SLIT3: variants seen among roughly 807,000 people sequenced by gnomAD.
SLIT3 encodes the protein slit homolog 3 protein.
Under a neutral mutation model 184.0 loss-of-function variants are expected in SLIT3, and 68 were observed. That is an observed-to-expected ratio of 0.37 (90% CI 0.30 to 0.45). SLIT3 has a LOEUF of 0.45. Among genes scored for constraint, SLIT3 ranks in the 20% least tolerant of loss-of-function variants. SLIT3 has a pLI of 1.00. For synonymous variants in SLIT3, 831 were observed against 828.6 expected (o/e 1.00, Z -0.05); for missense variants, 1,707 against 2,026.0 (o/e 0.84, Z 3.02).
Position 168,774,396 on chromosome 5 carries a change from C to A in SLIT3, c.1152-18G>T, listed in dbSNP as rs767945892. On this transcript the variant is annotated intron_variant, in intron 12 of 35. Coordinates refer to ENST00000519560, the MANE Select transcript of SLIT3 (RefSeq NM_003062.4). ...TGAGGAGGCTGCAAACAGAAGAGAGCCTGGTTGATTCACTAATCCTGGTAA... is the reference window on the plus strand; with the variant it reads ...TGAGGAGGCTGCAAACAGAAGAGAGACTGGTTGATTCACTAATCCTGGTAA... 1.9e-6 allele frequency: 3 copies of A among 1,600,322 alleles called. No homozygotes were observed. The highest frequency in any genetic ancestry group is 3.4e-5 in the Admixed American group (2 of 57,986).
intron 5 of SLIT3, among the ~76,000 whole-genome samples, chr5:168,861,036 G>A (rs1474821482): frequency 6.6e-6 from 1 of 152,038 alleles, no homozygotes; most frequent in Non-Finnish European, 1.5e-5. Context: ...ACAGACCAAG[G>A]GAACCCAGGG....
At chr5:168,978,933 T>C (rs1052860058) in intron 4 of SLIT3, among the ~76,000 whole-genome samples, 1 of 17,826 alleles carries the variant, frequency 5.6e-5, no homozygotes, top group East Asian at 2.6e-3. Flanking sequence ...TAGGTGGGGG[T>C]GGGGTGGCTG....
At chr5:169,246,150 G>A (rs1358359072) in intron 2 of SLIT3, among the ~76,000 whole-genome samples, 1 of 152,118 alleles carries the variant, frequency 6.6e-6, no homozygotes, top group Non-Finnish European at 1.5e-5. Context: ...CCCCGCAAAA[G>A]AAACTCCTTT....
At chr5:169,052,513 C>A (rs1054172130) in intron 4 of SLIT3, among the ~76,000 whole-genome samples, 8 of 152,100 alleles carry the variant, frequency 5.3e-5, no homozygotes, top group African/African-American at 1.9e-4. Flanking sequence ...CCCCCTCAGG[C>A]AACAGAAAGC....
At chr5:168,694,460 A>G (rs1761994269) in intron 28 of SLIT3, among the ~76,000 whole-genome samples, 1 of 152,194 alleles carries the variant, frequency 6.6e-6, no homozygotes, top group Non-Finnish European at 1.5e-5. Context: ...AGTAGTCTGT[A>G]TACAGTAGGT....
intron 9 of SLIT3, among the ~76,000 whole-genome samples, chr5:168,805,970 G>A (rs1216334262): frequency 2.0e-5 from 3 of 152,200 alleles, no homozygotes; most frequent in African/African-American, 4.8e-5. Flanking sequence ...GGATGAAGGA[G>A]ACATTATTTT....
chr5:168,881,488 G>A (rs1759951858), intron 5 of SLIT3, among the ~76,000 whole-genome samples: 1 of 152,176 alleles, frequency 6.6e-6, no homozygotes, highest in Non-Finnish European at 1.5e-5. Context: ...TTAGTGTCAT[G>A]AGATCTGACT....
intron 4 of SLIT3, among the ~76,000 whole-genome samples, chr5:169,117,807 T>C (rs1760735967): frequency 6.6e-6 from 1 of 152,216 alleles, no homozygotes; most frequent in Non-Finnish European, 1.5e-5. Context: ...ATATTGCCAA[T>C]GAAGTCAGAA....
At chr5:168,839,284 C>T (rs569175969) in intron 6 of SLIT3, among the ~76,000 whole-genome samples, 1 of 152,220 alleles carries the variant, frequency 6.6e-6, no homozygotes. Context: ...GTACCCAGCG[C>T]CCAGCACTGT....
intron 4 of SLIT3, among the ~76,000 whole-genome samples, chr5:168,935,157 A>T (rs975401997): frequency 2.0e-5 from 3 of 151,612 alleles, no homozygotes; most frequent in Non-Finnish European, 4.4e-5. Flanking sequence ...AAACAAAAAA[A>T]AAAACCAACA....
At chr5:169,092,979 T>G (rs574537833) in intron 4 of SLIT3, among the ~76,000 whole-genome samples, 122 of 152,352 alleles carry the variant, frequency 8.0e-4, no homozygotes, top group African/African-American at 2.9e-3. Flanking sequence ...GAGAGCTTGC[T>G]GTGTTTTATC....
chr5:168,954,957 C>T (rs2113257752), intron 4 of SLIT3, among the ~76,000 whole-genome samples: 2 of 152,304 alleles, frequency 1.3e-5, no homozygotes, highest in South Asian at 4.1e-4. Context: ...CCAAAGCCTT[C>T]CAGGTTCCGG....
At chr5:169,159,525 CAGCACTTTGGG>C (rs529128949) in intron 4 of SLIT3, among the ~76,000 whole-genome samples, 7,039 of 152,210 alleles carry the variant, frequency 0.046, 217 homozygotes, top group East Asian at 0.096. Context: ...CCTGTAATCC[CAGCACTTTGGG>C]AGGCTGAGGT....
intron 4 of SLIT3, among the ~76,000 whole-genome samples, chr5:169,082,102 G>A (rs1759087147): frequency 2.6e-5 from 4 of 152,196 alleles, no homozygotes; most frequent in Admixed American, 2.6e-4. Context: ...ACAACTCGGA[G>A]AGGTGTAGGG....
rs758787161 is a variant in SLIT3 at position 168,671,386 on chromosome 5, G to C, written c.3939C>G (p.Asn1313Lys). Residue 1313 changes from asparagine to lysine, a missense_variant, in exon 34 of 36, where the codon AAC becomes AAG. This residue lies in a region of SLIT3 where 387 missense variants were observed against 477.9 expected (regional missense o/e 0.81). Transcript: ENST00000519560. ...GGAGGGCCTTGAAGTCCTGCAGCTC[G>C]TTGTTGATGCGCACCTCATGGATGC... ...HGCIHEVRINNELQDFKALPP... is the reference protein window; with the variant it reads ...HGCIHEVRINKELQDFKALPP... 6.2e-7 allele frequency: 1 copy of C among 1,614,148 alleles called. No individual in the cohort carries two copies. Among genetic ancestry groups the C allele is most frequent in the Non-Finnish European group, 8.5e-7 (1 of 1,180,010 alleles).
In SLIT3 at chr5:168,666,496, C is replaced by A. The variant is rs1290680188; in HGVS notation, c.4530G>T (p.Glu1510Asp). The A allele has an allele frequency of 6.2e-7, 1 of 1,604,754 alleles. No individual in the cohort carries two copies. Among genetic ancestry groups the A allele is most frequent in the Non-Finnish European group, 8.5e-7 (1 of 1,175,052 alleles). The change falls in exon 36 of 36, where the codon GAG (glutamate) becomes GAT (aspartate). Residue 1510 changes from glutamate (E) to aspartate (D), a missense_variant. Coordinates refer to ENST00000519560, the MANE Select transcript of SLIT3 (RefSeq NM_003062.4). ...QCTDGSSFVEEVERHLECGCL... is the reference protein window; with the variant it reads ...QCTDGSSFVEDVERHLECGCL... ...AGCCGCACTCTAAGTGTCTCTCCAC[C>A]TCTTCTACAAACGAGGAGCCGTCCG... is the stretch of plus-strand genomic sequence containing the variant.
intron 8 of SLIT3, among the ~76,000 whole-genome samples, chr5:168,815,464 T>C (rs952637850): frequency 1.3e-5 from 2 of 152,218 alleles, no homozygotes; most frequent in Non-Finnish European, 2.9e-5. Flanking sequence ...ATGACTCTCG[T>C]ACTCTATAAT....
chr5:169,273,034 A>T (rs557526131), intron 1 of SLIT3, among the ~76,000 whole-genome samples: 13 of 152,180 alleles, frequency 8.5e-5, no homozygotes, highest in Admixed American at 2.6e-4. Flanking sequence ...GAATAAACTC[A>T]GCACCGACAC....
intron 4 of SLIT3, among the ~76,000 whole-genome samples, chr5:169,028,938 T>C (rs1054496647): frequency 2.6e-5 from 4 of 152,130 alleles, no homozygotes; most frequent in African/African-American, 9.7e-5. Context: ...TGGACATATA[T>C]TGGTGGCTTC....
Sources: gnomAD v4.1 joint callset for allele counts (sites outside exome capture counted in the v4.1 genomes callset) on GRCh38, gnomAD v4.1.1 for gene constraint, gnomAD v4.1.1 regional missense constraint, MANE v1.5 for transcripts, NCBI Gene and HGNC (gene_info 2026-07-23, HGNC 2026-07-21) for gene names.